The following SHANK2 variants were observed in gnomAD, a reference collection of about 807,000 sequenced individuals.
SHANK2 encodes the protein SH3 and multiple ankyrin repeat domains 2.
SHANK2 carries 43 observed loss-of-function variants against 133.7 expected under a neutral mutation model. That is an observed-to-expected ratio of 0.32 (90% CI 0.25 to 0.41). SHANK2 has a LOEUF of 0.41. SHANK2 is among the 10% of genes least tolerant of loss of function. SHANK2 has a pLI of 1.00. For missense variants in SHANK2, 1,994 were observed against 2,235.8 expected (o/e 0.89, Z 2.18); for synonymous variants, 1,017 against 952.8 (o/e 1.07, Z -1.24).
At chr11:71,110,854 A>G (rs562704379) in intron 5 of SHANK2, among the ~76,000 whole-genome samples, 13 of 152,382 alleles carry the variant, frequency 8.5e-5, no homozygotes. Context: ...CATAGGTTGA[A>G]TAATCTCCAA....
intron 9 of SHANK2, among the ~76,000 whole-genome samples, chr11:71,073,797 C>T (rs896959114): frequency 2.6e-5 from 4 of 152,152 alleles, no homozygotes; most frequent in Non-Finnish European, 5.9e-5. Flanking sequence ...GATGGTGCCA[C>T]GCATGCCTGG....
intron 8 of SHANK2, among the ~76,000 whole-genome samples, chr11:71,085,084 A>G (rs1369389417): frequency 6.6e-6 from 1 of 152,132 alleles, no homozygotes; most frequent in Non-Finnish European, 1.5e-5. Flanking sequence ...GGGTTTGTTC[A>G]TTAAAGGAAA....
At chr11:71,071,695 A>G (rs1951144266) in intron 9 of SHANK2, among the ~76,000 whole-genome samples, 1 of 152,228 alleles carries the variant, frequency 6.6e-6, no homozygotes, top group African/African-American at 2.4e-5. Flanking sequence ...AAGATTGAAC[A>G]GCTAGAAGCA....
At chr11:70,853,540 G>T (rs1949124167) in intron 11 of SHANK2, among the ~76,000 whole-genome samples, 3 of 152,168 alleles carry the variant, frequency 2.0e-5, no homozygotes, top group Admixed American at 2.0e-4. Flanking sequence ...GCAGGGCAAA[G>T]GCAAATGTCT....
At chr11:70,598,970 C>T (rs1591630734) in intron 17 of SHANK2, among the ~76,000 whole-genome samples, 1 of 135,610 alleles carries the variant, frequency 7.4e-6, no homozygotes. Flanking sequence ...ATTTTGAAAG[C>T]TTTTTTTTTT....
intron 2 of SHANK2, among the ~76,000 whole-genome samples, chr11:71,169,088 C>T (rs1190406219): frequency 6.6e-6 from 1 of 152,144 alleles, no homozygotes; most frequent in African/African-American, 2.4e-5. Flanking sequence ...TTTTGGGCTC[C>T]ACCACAGGGA....
In SHANK2 at chr11:71,092,441, C is replaced by T; in HGVS notation, c.893G>A (p.Gly298Asp). The stretch of plus-strand genomic sequence containing the variant: ...ACGTACCTGGTGGATCTCGTGCCAG[C>T]CGTTCTCATCTTTGCAGCACACAGT... Reference protein sequence around the residue: ...HATVCCKDENGWHEIHQACRY... With the variant: ...HATVCCKDENDWHEIHQACRY... Residue 298 changes from glycine (G) to aspartate (D), a missense_variant, in exon 8 of 26, where the codon GGC becomes GAC. Physicochemically the swap from Gly to Asp is moderately conservative, Grantham distance 94. Transcript: ENST00000601538. 6.4e-7 allele frequency: 1 copy of T among 1,551,416 alleles called. No individual in the cohort carries two copies. The highest frequency in any genetic ancestry group is 8.7e-7 in the Non-Finnish European group (1 of 1,146,918).
chr11:71,127,106 C>T (rs116380050), intron 3 of SHANK2, among the ~76,000 whole-genome samples: 1,718 of 152,242 alleles, frequency 0.011, 36 homozygotes, highest in African/African-American at 0.039. Flanking sequence ...TTCAAGCCTT[C>T]GGTGGAGGAA....
intron 14 of SHANK2, among the ~76,000 whole-genome samples, chr11:70,728,026 A>G (rs1363675288): frequency 6.6e-6 from 1 of 152,232 alleles, no homozygotes; most frequent in East Asian, 1.9e-4. Flanking sequence ...GTTCTATGCT[A>G]TAAATGCTTT....
rs188994162 is a variant in SHANK2 at position 70,581,192 on chromosome 11, G to A, written c.2062-78261C>T. 8.3e-4 allele frequency among the ~76,000 whole-genome samples: 126 copies of A among 152,324 alleles called. 3 individuals carry two copies. Among genetic ancestry groups the A allele is most frequent in the Admixed American group, 8.2e-3 (126 of 15,298 alleles). On this transcript the variant is annotated intron_variant, in intron 17 of 25. Coordinates refer to ENST00000601538, the MANE Select transcript of SHANK2 (RefSeq NM_012309.5). ...AGTAAGTCTAGCGTTTGAAGGGCAA[G>A]GGAAGAAAAGCTCTTGTAGTCACTG...
At chr11:70,907,167 T>C (rs1950117051) in intron 10 of SHANK2, among the ~76,000 whole-genome samples, 1 of 152,184 alleles carries the variant, frequency 6.6e-6, no homozygotes, top group African/African-American at 2.4e-5. Flanking sequence ...AGCAGTTCCA[T>C]GCTGGGTGAC....
intron 10 of SHANK2, among the ~76,000 whole-genome samples, chr11:70,952,304 C>T (rs895675210): frequency 6.6e-6 from 1 of 152,180 alleles, no homozygotes; most frequent in Non-Finnish European, 1.5e-5. Flanking sequence ...TCTTGGGTGA[C>T]TGAGAACCAG....
intron 7 of SHANK2, among the ~76,000 whole-genome samples, chr11:71,093,578 T>A (rs1234039065): frequency 6.6e-6 from 1 of 152,062 alleles, no homozygotes; most frequent in East Asian, 1.9e-4. Context: ...ATCTCCTCCC[T>A]CTCTGTCTTC....
chr11:71,247,962 G>A (rs1419206899), intron 1 of SHANK2, among the ~76,000 whole-genome samples: 1 of 152,230 alleles, frequency 6.6e-6, no homozygotes, highest in Non-Finnish European at 1.5e-5. Context: ...CAAACTCCTG[G>A]CAGCCCCACA....
intron 9 of SHANK2, among the ~76,000 whole-genome samples, chr11:71,072,919 G>A (rs1202410457): frequency 6.6e-6 from 1 of 151,948 alleles, no homozygotes. Context: ...CATTTGATGG[G>A]GACAGAGTTT....
chr11:70,924,615 C>A (rs1950400954), intron 10 of SHANK2, among the ~76,000 whole-genome samples: 1 of 152,102 alleles, frequency 6.6e-6, no homozygotes, highest in Non-Finnish European at 1.5e-5. Context: ...CGTGACCATG[C>A]CCGGCTAATT....
intron 15 of SHANK2, among the ~76,000 whole-genome samples, chr11:70,665,546 T>G (rs1591725033): frequency 6.6e-6 from 1 of 152,168 alleles, no homozygotes; most frequent in African/African-American, 2.4e-5. Context: ...CTGCTTAGTC[T>G]CTGACATTAA....
intron 10 of SHANK2, among the ~76,000 whole-genome samples, chr11:70,922,591 G>A (rs184308359): frequency 9.3e-4 from 141 of 152,238 alleles, no homozygotes; most frequent in African/African-American, 3.3e-3. Flanking sequence ...AATAACTACT[G>A]ATCTAGAACC....
At chr11:71,240,676 T>C (rs1416899681) in intron 1 of SHANK2, 3 of 152,166 alleles carry the variant, frequency 2.0e-5, no homozygotes, top group African/African-American at 7.2e-5. Flanking sequence ...TGCCTGTAAA[T>C]ACCAACACTT....
Sources: allele counts gnomAD v4.1 joint callset (sites outside exome capture counted in the v4.1 genomes callset), GRCh38; gene constraint gnomAD v4.1.1; transcripts MANE v1.5; gene names NCBI Gene and HGNC (gene_info 2026-07-23, HGNC 2026-07-21).